The following NCKAP5 variants were observed in gnomAD, a reference collection of about 807,000 sequenced individuals.
NCKAP5 encodes NCK associated protein 5.
A neutral mutation model predicts 167.0 loss-of-function variants in NCKAP5; 92 were observed. The ratio of observed to expected loss-of-function variants is 0.55; its 90% CI spans 0.47 to 0.66. The LOEUF (loss-of-function observed/expected upper bound fraction) is 0.66. NCKAP5 is among the 30% of genes least tolerant of loss of function. The pLI, the probability that NCKAP5 is intolerant of heterozygous loss-of-function variation, is 0.00. For synonymous variants in NCKAP5, 891 were observed against 877.4 expected, an observed-to-expected ratio of 1.02 and a Z score of -0.27; for missense variants, 2,378 against 2,315.0, an observed-to-expected ratio of 1.03 and a Z score of -0.56.
Position 133,085,882 on chromosome 2 carries a change from G to A in NCKAP5, c.341+44096C>T, listed in dbSNP as rs116284991. Among the ~76,000 whole-genome samples the A allele has an allele frequency of 2.4e-3, 368 of 152,162 alleles. 2 individuals carry two copies. The highest frequency in any genetic ancestry group is 8.7e-3 in the African/African-American group (363 of 41,514). On this transcript the variant is annotated intron_variant, in intron 6 of 19. Coordinates refer to ENST00000409261, the MANE Select transcript of NCKAP5 (RefSeq NM_207363.3). Reference sequence around the variant, plus strand: ...CCCTGGGGACAAGTAGATGAGAAAAGGTAAAGGAAGCCAAGAGTCCATTAC... The same window carrying A: ...CCCTGGGGACAAGTAGATGAGAAAAAGTAAAGGAAGCCAAGAGTCCATTAC...
chr2:133,482,602 A>G (rs2163653), intron 3 of NCKAP5, among the ~76,000 whole-genome samples: 53,834 of 152,100 alleles, frequency 0.35, 9,858 homozygotes, highest in Non-Finnish European at 0.4. Context: ...TGCAATGAAC[A>G]TGTGAGTGCA....
intron 19 of NCKAP5, among the ~76,000 whole-genome samples, chr2:132,720,898 C>A (rs1206370546): frequency 1.3e-5 from 2 of 152,046 alleles, no homozygotes; most frequent in African/African-American, 4.8e-5. Flanking sequence ...GTAATCTCAG[C>A]TACTCAGGAG....
chr2:133,468,501 G>A (rs1575009897), intron 3 of NCKAP5, among the ~76,000 whole-genome samples: 1 of 151,996 alleles, frequency 6.6e-6, no homozygotes, highest in East Asian at 2.0e-4. Context: ...ATTTGGGGTG[G>A]AGAGTTCTGT....
At position 133,472,116 on chromosome 2, in the gene NCKAP5, C is replaced by A. The variant is rs560644194; in HGVS notation, c.69+45342G>T. Reference sequence around the variant, plus strand: ...CCTTTACCATTTTAATGCAGCAAATCACCCCTTTTATATGTAATTTTATGT... The same window carrying A: ...CCTTTACCATTTTAATGCAGCAAATAACCCCTTTTATATGTAATTTTATGT... On this transcript the variant is annotated intron_variant, in intron 3 of 19. Transcript: ENST00000409261. 5.3e-5 allele frequency among the ~76,000 whole-genome samples: 8 copies of A among 152,238 alleles called. No homozygotes were observed. The South Asian group carries it at 1.7e-3, about 32-fold the overall frequency.
chr2:133,086,333 G>C (rs1256675102), intron 6 of NCKAP5, among the ~76,000 whole-genome samples: 1 of 152,082 alleles, frequency 6.6e-6, no homozygotes, highest in Non-Finnish European at 1.5e-5. Context: ...CTGAAGCAAA[G>C]TAAAATACCA....
chr2:133,485,096 C>A (rs766835077), intron 3 of NCKAP5, among the ~76,000 whole-genome samples: 11 of 152,092 alleles, frequency 7.2e-5, no homozygotes, highest in Admixed American at 2.0e-4. Context: ...CTTCAATGTG[C>A]CTTAATGAGG....
intron 3 of NCKAP5, among the ~76,000 whole-genome samples, chr2:133,434,875 A>G (rs1246102340): frequency 6.6e-6 from 1 of 152,224 alleles, no homozygotes; most frequent in Non-Finnish European, 1.5e-5. Context: ...TTCAGAAACA[A>G]TTCCAGGGTT....
At chr2:133,284,418 G>A (rs1465045971) in intron 4 of NCKAP5, among the ~76,000 whole-genome samples, 1 of 152,060 alleles carries the variant, frequency 6.6e-6, no homozygotes, top group Admixed American at 6.5e-5. Context: ...CAGTTAATAA[G>A]AAAAAAATAG....
At chr2:132,969,799 G>A (rs1373498448) in intron 7 of NCKAP5, among the ~76,000 whole-genome samples, 2 of 152,194 alleles carry the variant, frequency 1.3e-5, no homozygotes, top group African/African-American at 2.4e-5. Flanking sequence ...ACATCCGCAT[G>A]CTGCTCACAG....
At chr2:133,544,476 C>T (rs1686490584) in intron 2 of NCKAP5, among the ~76,000 whole-genome samples, 2 of 152,056 alleles carry the variant, frequency 1.3e-5, no homozygotes, top group Admixed American at 1.3e-4. Context: ...TTGATTTTTT[C>T]CCCACTTAAT....
intron 6 of NCKAP5, among the ~76,000 whole-genome samples, chr2:133,110,441 T>G (rs989831241): frequency 6.6e-6 from 1 of 152,250 alleles, no homozygotes; most frequent in Non-Finnish European, 1.5e-5. Flanking sequence ...AGAAGGAATT[T>G]GTTAGTGCAG....
At chr2:133,230,156 T>C (rs1043497357) in intron 4 of NCKAP5, among the ~76,000 whole-genome samples, 1 of 152,136 alleles carries the variant, frequency 6.6e-6, no homozygotes, top group Non-Finnish European at 1.5e-5. Context: ...TGATCAGCAA[T>C]GGTCAAGAAG....
chr2:133,146,803 A>G (rs1394742168), intron 5 of NCKAP5, among the ~76,000 whole-genome samples: 1 of 152,130 alleles, frequency 6.6e-6, no homozygotes, highest in Non-Finnish European at 1.5e-5. Flanking sequence ...ACACTTCCAA[A>G]TACAACAAAG....
rs189933772 is a variant in NCKAP5 at position 133,188,264 on chromosome 2, A to G, written c.207+25452T>C. Among the ~76,000 whole-genome samples, 54 of 152,178 alleles carry G rather than the reference A, an allele frequency of 3.5e-4. 1 individual carries two copies. The highest frequency in any genetic ancestry group is 1.3e-3 in the African/African-American group (52 of 41,534). ...TAAATATATATGCATCCAATACAAG[A>G]GCACCCAGATTCATAAAGCAAGTCC... On this transcript the variant is annotated intron_variant, in intron 5 of 19. Coordinates refer to ENST00000409261, the MANE Select transcript of NCKAP5 (RefSeq NM_207363.3).
chr2:133,046,063 T>C (rs2079389855), intron 6 of NCKAP5, among the ~76,000 whole-genome samples: 1 of 152,198 alleles, frequency 6.6e-6, no homozygotes, highest in Non-Finnish European at 1.5e-5. Flanking sequence ...GTGAGAAATC[T>C]CATCAAGCTC....
intron 19 of NCKAP5, among the ~76,000 whole-genome samples, chr2:132,699,453 A>G (rs1004529095): frequency 2.0e-5 from 3 of 151,888 alleles, no homozygotes; most frequent in Non-Finnish European, 4.4e-5. Context: ...TACATTAGGT[A>G]TATCTCCTAA....
At chr2:133,516,301 C>A (rs1683987564) in intron 3 of NCKAP5, among the ~76,000 whole-genome samples, 1 of 152,030 alleles carries the variant, frequency 6.6e-6, no homozygotes, top group South Asian at 2.1e-4. Flanking sequence ...ACTCACACAC[C>A]AATGTCACCA....
intron 11 of NCKAP5, among the ~76,000 whole-genome samples, chr2:132,821,600 C>T (rs189082010): frequency 1.7e-3 from 262 of 152,234 alleles, no homozygotes; most frequent in African/African-American, 5.8e-3. Flanking sequence ...GGAGCTACTG[C>T]GGACAGAGTG....
At chr2:133,319,496 G>A (rs1681878692) in intron 3 of NCKAP5, among the ~76,000 whole-genome samples, 1 of 152,018 alleles carries the variant, frequency 6.6e-6, no homozygotes, top group African/African-American at 2.4e-5. Flanking sequence ...GCGTTATGCA[G>A]CTAAAACCAT....
Sources: allele counts gnomAD v4.1 joint callset (sites outside exome capture counted in the v4.1 genomes callset), GRCh38; gene constraint gnomAD v4.1.1; transcripts MANE v1.5; gene names NCBI Gene and HGNC (gene_info 2026-07-23, HGNC 2026-07-21).